The following TGFBR3 variants were observed in gnomAD, a reference collection of about 807,000 sequenced individuals.
The protein encoded by TGFBR3 is transforming growth factor beta receptor 3.
In TGFBR3, 46 loss-of-function variants were observed where a neutral mutation model predicts 87.9. The observed-to-expected ratio is 0.52, with a 90% CI of 0.41 to 0.67. TGFBR3 has a LOEUF of 0.67. Ranked by LOEUF, TGFBR3 falls within the 30% of genes least tolerant of loss-of-function variation. TGFBR3 has a pLI of 0.00. For synonymous variants in TGFBR3, 381 were observed against 391.6 expected, an observed-to-expected ratio of 0.97 and a Z score of 0.32; for missense variants, 866 against 1,041.9, an observed-to-expected ratio of 0.83 and a Z score of 2.32.
At chr1:91,746,740 A>G (rs1424724791) in intron 4 of TGFBR3, among the ~76,000 whole-genome samples, 1 of 107,838 alleles carries the variant, frequency 9.3e-6, no homozygotes, top group East Asian at 3.4e-4. Flanking sequence ...TTTTTTTTTC[A>G]TCAAGGCTGA....
At chr1:91,900,591 T>C (rs1679691457) in intron 1 of TGFBR3, among the ~76,000 whole-genome samples, 1 of 152,208 alleles carries the variant, frequency 6.6e-6, no homozygotes, top group African/African-American at 2.4e-5. Flanking sequence ...AATAGAAAAG[T>C]ATCACATACA....
At chr1:91,788,928 A>G (rs17131560) in intron 3 of TGFBR3, among the ~76,000 whole-genome samples, 20,993 of 152,280 alleles carry the variant, frequency 0.14, 2,140 homozygotes, top group African/African-American at 0.28. Flanking sequence ...ACAGTAGTAC[A>G]GGTCAGGGTT....
rs773962728 is a variant in TGFBR3 at position 91,682,930 on chromosome 1, C to A, written c.*809G>T. ...TCACCTCAAATTATACATTAATTTG[C>A]AGAACAAAATATTAGGAATGGGCAC... On this transcript the variant is annotated 3_prime_UTR_variant, in exon 17 of 17. Coordinates refer to ENST00000212355, the MANE Select transcript of TGFBR3 (RefSeq NM_003243.5). 6.6e-6 allele frequency: 3 copies of A among 453,774 alleles called. No individual in the cohort carries two copies. The highest frequency in any genetic ancestry group is 3.1e-5 in the South Asian group (2 of 64,442). 28.1% of individuals were successfully genotyped at this position (453,774 alleles called of 1,614,324 possible). A position where few individuals can be genotyped will look rare whatever the true frequency, so the allele number is the denominator to read the frequency against.
chr1:91,844,636 C>T (rs542094546), intron 2 of TGFBR3, among the ~76,000 whole-genome samples: 2 of 152,226 alleles, frequency 1.3e-5, no homozygotes, highest in South Asian at 4.2e-4. Context: ...TTTAGAATAA[C>T]CTTGAATTTA....
At chr1:91,743,767 GA>G (rs1351042446) in intron 4 of TGFBR3, among the ~76,000 whole-genome samples, 1 of 152,238 alleles carries the variant, frequency 6.6e-6, no homozygotes, top group Non-Finnish European at 1.5e-5. Context: ...GAAGGATTCT[GA>G]GGTCATATTC....
At chr1:91,748,438 G>T (rs1290263130) in intron 4 of TGFBR3, among the ~76,000 whole-genome samples, 1 of 152,172 alleles carries the variant, frequency 6.6e-6, no homozygotes, top group East Asian at 1.9e-4. Context: ...TGGGAAAGGG[G>T]TCAAGAAACA....
intron 2 of TGFBR3, among the ~76,000 whole-genome samples, chr1:91,830,410 T>C (rs1031371740): frequency 1.3e-5 from 2 of 152,176 alleles, no homozygotes; most frequent in Admixed American, 1.3e-4. Flanking sequence ...GGGAGCTCTG[T>C]CCACGGTATG....
intron 14 of TGFBR3, among the ~76,000 whole-genome samples, chr1:91,703,698 C>A (rs141407386): frequency 2.0e-5 from 3 of 152,132 alleles, no homozygotes. Context: ...CTGTAAAAAG[C>A]GGTCACAGAA....
chr1:91,730,083 G>A (rs1219935601), intron 5 of TGFBR3, 110 bp from the exon 6 acceptor site: 4 of 1,203,112 alleles, frequency 3.3e-6, no homozygotes, highest in Non-Finnish European at 4.8e-6. Flanking sequence ...AGGGAACCAC[G>A]AGCTCAAAGG....
chr1:91,814,392 G>A (rs284145), intron 2 of TGFBR3, among the ~76,000 whole-genome samples: 1,772 of 152,080 alleles, frequency 0.012, 35 homozygotes, highest in African/African-American at 0.041. Flanking sequence ...AAAAAGTATA[G>A]GAAGTTACAT....
chr1:91,717,698 A>AAC (rs947636305), intron 10 of TGFBR3, among the ~76,000 whole-genome samples: 4 of 142,870 alleles, frequency 2.8e-5, no homozygotes, highest in African/African-American at 7.6e-5. Flanking sequence ...TTAAAAAAAA[A>AAC]AAACAAACTG....
At chr1:91,756,851 C>G (rs1557694899) in intron 4 of TGFBR3, among the ~76,000 whole-genome samples, 2 of 152,108 alleles carry the variant, frequency 1.3e-5, no homozygotes, top group South Asian at 4.1e-4. Flanking sequence ...TTGCTTTATT[C>G]TTCTCTATAC....
intron 12 of TGFBR3, among the ~76,000 whole-genome samples, chr1:91,712,946 C>G (rs1369566779): frequency 6.6e-6 from 1 of 152,208 alleles, no homozygotes; most frequent in Admixed American, 6.5e-5. Flanking sequence ...ATAAGCTAAG[C>G]TCTTTTTAAA....
chr1:91,716,340 G>A lies in TGFBR3; in HGVS notation c.1762C>T (p.His588Tyr), dbSNP rs769257484. The A allele has an allele frequency of 6.2e-7, 1 of 1,614,122 alleles. No individual in the cohort carries two copies. Among genetic ancestry groups the A allele is most frequent in the Non-Finnish European group, 8.5e-7 (1 of 1,180,016 alleles). ...TCCATGTTGAAGGTGATGTTTCCGTGGGGCTGTTCCTGGAAGCTGCTGGGG... is the reference window on the plus strand; with the variant it reads ...TCCATGTTGAAGGTGATGTTTCCGTAGGGCTGTTCCTGGAAGCTGCTGGGG... ...RNPSSFQEQP[H>Y]GNITFNMELY... The change falls in exon 12 of 17, where the codon CAC becomes TAC. Residue 588 changes from histidine to tyrosine, a missense_variant. By Grantham distance (83) the His-to-Tyr change is moderately conservative. Transcript: ENST00000212355.
At chr1:91,704,564 A>T (rs1159045387) in intron 14 of TGFBR3, among the ~76,000 whole-genome samples, 1 of 152,184 alleles carries the variant, frequency 6.6e-6, no homozygotes, top group Non-Finnish European at 1.5e-5. Context: ...CACTATACAG[A>T]GGTGCTATGA....
chr1:91,862,613 C>A (rs1393209879), intron 1 of TGFBR3, among the ~76,000 whole-genome samples: 2 of 152,128 alleles, frequency 1.3e-5, no homozygotes, highest in African/African-American at 4.8e-5. Flanking sequence ...CCTCACACGG[C>A]CCTAATGGTC....
chr1:91,896,405 G>A (rs1307431568), intron 2 of TGFBR3, among the ~76,000 whole-genome samples: 5 of 152,182 alleles, frequency 3.3e-5, no homozygotes, highest in Non-Finnish European at 7.3e-5. Context: ...CTGATGCAAA[G>A]GTTCTGAGTG....
At chr1:91,715,256 C>T (rs1672124356) in intron 12 of TGFBR3, among the ~76,000 whole-genome samples, 1 of 152,208 alleles carries the variant, frequency 6.6e-6, no homozygotes, top group Non-Finnish European at 1.5e-5. Flanking sequence ...CTAGAATCCA[C>T]TCTCTGAACC....
chr1:91,847,248 G>C (rs1447479623), intron 2 of TGFBR3, among the ~76,000 whole-genome samples: 2 of 152,112 alleles, frequency 1.3e-5, no homozygotes, highest in Admixed American at 6.6e-5. Context: ...ACAACTTACA[G>C]AAATTTTTCC....
Sources: allele counts gnomAD v4.1 joint callset (sites outside exome capture counted in the v4.1 genomes callset), GRCh38; gene constraint gnomAD v4.1.1; transcripts MANE v1.5; gene names NCBI Gene and HGNC (gene_info 2026-07-23, HGNC 2026-07-21).